The following NET1 variants were observed in gnomAD, a reference collection of about 807,000 sequenced individuals.
NET1 encodes the protein neuroepithelial cell-transforming gene 1 protein.
Under a neutral mutation model 61.1 loss-of-function variants are expected in NET1, and 42 were observed. The ratio of observed to expected loss-of-function variants is 0.69; its 90% CI spans 0.54 to 0.89. NET1 has a LOEUF of 0.89. Ranked by LOEUF, NET1 falls within the 40% of genes least tolerant of loss-of-function variation. NET1 has a pLI of 0.00. For synonymous variants in NET1, 254 were observed against 281.8 expected (o/e 0.90, Z 0.99); for missense variants, 654 against 747.3 (o/e 0.88, Z 1.46).
chr10:5,430,353 A>G (rs566103685), intron 3 of NET1, among the ~76,000 whole-genome samples: 5 of 151,676 alleles, frequency 3.3e-5, no homozygotes, highest in South Asian at 4.2e-4. Context: ...TCCATTTACT[A>G]TCTTTATTGT....
Position 5,452,675 on chromosome 10 carries a change from C to T in NET1, c.531+150C>T. 1.1e-6 allele frequency: 1 copy of T among 939,902 alleles called. No individual in the cohort carries two copies. Among genetic ancestry groups the T allele is most frequent in the Non-Finnish European group, 1.6e-6 (1 of 629,856 alleles). The allele number at this position is 939,902 out of a possible 1,614,324, so 58.2% of individuals were successfully genotyped here. Reference sequence around the variant, plus strand: ...TGGATGGTGGTCAAATTAAACAACTCTAATAGGGTAAACTTACCAAACATA... The same window carrying T: ...TGGATGGTGGTCAAATTAAACAACTTTAATAGGGTAAACTTACCAAACATA... On this transcript the variant is annotated intron_variant, in intron 5 of 11. Transcript: ENST00000355029. This position sits in a 1 kb window ranked among gnomAD's most constrained non-coding sequence, Gnocchi z 4.0.
rs1193657167 is a variant in NET1, at chr10:5,427,981, T to C, written c.196-1189T>C. Among the ~76,000 whole-genome samples the C allele has an allele frequency of 1.3e-5, 2 of 151,926 alleles. No individual in the cohort carries two copies. The highest frequency in any genetic ancestry group is 3.8e-4 in the East Asian group (2 of 5,198). The stretch of plus-strand genomic sequence containing the variant: ...CGTGTTGTTTTTTATGGTAGCTTGC[T>C]TTCTGAGACTGCCTGGCTCTGTTAC... On this transcript the variant is annotated intron_variant, in intron 2 of 11. Coordinates refer to ENST00000355029, the MANE Select transcript of NET1 (RefSeq NM_001047160.3). The surrounding 1 kb of genome is among the most constrained non-coding windows in gnomAD (Gnocchi z 4.1).
chr10:5,436,528 G>A lies in NET1; in HGVS notation c.255+7299G>A, dbSNP rs1297479426. Among the ~76,000 whole-genome samples, 4 of 151,344 alleles carry A rather than the reference G, an allele frequency of 2.6e-5. No homozygotes were observed. The East Asian group carries it at 5.8e-4, about 22-fold the overall frequency. On this transcript the variant is annotated intron_variant, in intron 3 of 11. Coordinates refer to ENST00000355029, the MANE Select transcript of NET1 (RefSeq NM_001047160.3). The stretch of plus-strand genomic sequence containing the variant: ...TGAGATAACAGGTGCGAGCCACTGC[G>A]CCCAGCCTGGGGGTTATATTTTGAG...
In NET1 at chr10:5,420,676, GC is replaced by G. The variant is rs1832158807; in HGVS notation, c.129-5977del. Among the ~76,000 whole-genome samples, 1 of 152,032 alleles carries G rather than the reference GC, an allele frequency of 6.6e-6. No homozygotes were observed. Among genetic ancestry groups the G allele is most frequent in the Admixed American group, 6.6e-5 (1 of 15,260 alleles). On this transcript the variant is annotated intron_variant, in intron 1 of 11. Coordinates refer to ENST00000355029, the MANE Select transcript of NET1 (RefSeq NM_001047160.3). The surrounding 1 kb of genome is among the most constrained non-coding windows in gnomAD (Gnocchi z 5.3). ...AGTGGCGCGATCTCGGCTCACTGTA[GC>G]CTCCGACTCCCTGGTTCAAGTGATC...
Position 5,441,138 on chromosome 10 carries a change from CCA to C in NET1, c.256-10689_256-10688del, listed in dbSNP as rs973939765. On this transcript the variant is annotated intron_variant, in intron 3 of 11. Coordinates refer to ENST00000355029, the MANE Select transcript of NET1 (RefSeq NM_001047160.3). This position sits in a 1 kb window ranked among gnomAD's most constrained non-coding sequence, Gnocchi z 4.6. ...CCTCTGAAGAGCTGTGTAAAACACA[CCA>C]CAGACTTCTCCTCTCAACGGACTGA... is the stretch of plus-strand genomic sequence containing the variant. Among the ~76,000 whole-genome samples the C allele has an allele frequency of 9.2e-5, 14 of 152,186 alleles. No homozygotes were observed. Among genetic ancestry groups the C allele is most frequent in the Non-Finnish European group, 2.1e-4 (14 of 68,028 alleles).
At position 5,427,035 on chromosome 10, in the gene NET1, A is replaced by G. The variant is rs1381882458; in HGVS notation, c.195+314A>G. On this transcript the variant is annotated intron_variant, in intron 2 of 11. Transcript: ENST00000355029. The surrounding 1 kb of genome is among the most constrained non-coding windows in gnomAD (Gnocchi z 4.1). ...TTATGAAACATGAAATTATTTTTAT[A>G]CATCCTCTACTGCCTTTTTTTCTTG... Among the ~76,000 whole-genome samples the G allele has an allele frequency of 6.6e-6, 1 of 152,122 alleles. No individual in the cohort carries two copies. Among genetic ancestry groups the G allele is most frequent in the East Asian group, 1.9e-4 (1 of 5,204 alleles).
chr10:5,456,232 T>A lies in NET1; in HGVS notation c.1343T>A (p.Met448Lys), dbSNP rs772735811. The A allele has an allele frequency of 2.5e-6, 4 of 1,613,606 alleles. No individual in the cohort carries two copies. The East Asian group carries it at 8.9e-5, about 36-fold the overall frequency. ...LEDLQDGDVRMGGSFRGAFSN... is the reference protein window; with the variant it reads ...LEDLQDGDVRKGGSFRGAFSN... ...GACCTGCAGGATGGAGATGTGAGAA[T>A]GGGAGGCTCCTTTCGAGGAGCTTTC... Residue 448 changes from methionine (M) to lysine (K), a missense_variant, in exon 11 of 12, where the codon ATG (methionine) becomes AAG (lysine). Coordinates refer to ENST00000355029, the MANE Select transcript of NET1 (RefSeq NM_001047160.3). This position sits in a 1 kb window ranked among gnomAD's most constrained non-coding sequence, Gnocchi z 7.0.
Position 5,456,506 on chromosome 10 carries a change from C to A in NET1, c.1385-82C>A, listed in dbSNP as rs1043561392. ...ATAAATTGCCATAAATTGACAGTCA[C>A]GTTAAGATTGTATGACCACTTTGTC... On this transcript the variant is annotated intron_variant, in intron 11 of 11. Coordinates refer to ENST00000355029, the MANE Select transcript of NET1 (RefSeq NM_001047160.3). This position sits in a 1 kb window ranked among gnomAD's most constrained non-coding sequence, Gnocchi z 7.0. 2 of 1,345,822 alleles carry A rather than the reference C, an allele frequency of 1.5e-6. No homozygotes were observed. The highest frequency in any genetic ancestry group is 2.9e-5 in the African/African-American group (2 of 67,992). The allele number at this position is 1,345,822 out of a possible 1,614,324, so 83.4% of individuals were successfully genotyped here. A position where few individuals can be genotyped will look rare whatever the true frequency, so the allele number is the denominator to read the frequency against.
In NET1 at chr10:5,452,789, T is replaced by C; in HGVS notation, c.532-69T>C. The C allele has an allele frequency of 3.0e-6, 4 of 1,313,928 alleles. No individual in the cohort carries two copies. The highest frequency in any genetic ancestry group is 4.3e-6 in the Non-Finnish European group (4 of 928,082). 81.4% of individuals were successfully genotyped at this position (1,313,928 alleles called of 1,614,324 possible). On this transcript the variant is annotated intron_variant, in intron 5 of 11. Transcript: ENST00000355029. This position sits in a 1 kb window ranked among gnomAD's most constrained non-coding sequence, Gnocchi z 4.0. Reference sequence around the variant, plus strand: ...ATGCCGTTCAAAACATCAAATAATGTAATTATCAGTTGTATATAATTTTCC... The same window carrying C: ...ATGCCGTTCAAAACATCAAATAATGCAATTATCAGTTGTATATAATTTTCC...
rs1262824954 is a variant in NET1, at chr10:5,441,517, G to C, written c.256-10313G>C. 1.3e-5 allele frequency among the ~76,000 whole-genome samples: 2 copies of C among 152,194 alleles called. No individual in the cohort carries two copies. Among genetic ancestry groups the C allele is most frequent in the Non-Finnish European group, 2.9e-5 (2 of 68,036 alleles). On this transcript the variant is annotated intron_variant, in intron 3 of 11. Coordinates refer to ENST00000355029, the MANE Select transcript of NET1 (RefSeq NM_001047160.3). This position sits in a 1 kb window ranked among gnomAD's most constrained non-coding sequence, Gnocchi z 4.6. ...GTTACAGAAGACTAAGTGGTCTTAC[G>C]TTATACTGGAAGTTATTCGTTACCT...
chr10:5,452,348 CTTTTT>C lies in NET1; in HGVS notation c.364-8_364-4del. ...TTATTTTCTCTTTTGTTCACCTTTT[CTTTTT>C]TAAGTCATTTACCCTTCGTGGTGAC... On this transcript the variant is annotated splice_region_variant and splice_polypyrimidine_tract_variant and intron_variant, in intron 4 of 11. Transcript: ENST00000355029. The surrounding 1 kb of genome is among the most constrained non-coding windows in gnomAD (Gnocchi z 4.0). The C allele has an allele frequency of 1.3e-6, 2 of 1,547,130 alleles. No homozygotes were observed. Among genetic ancestry groups the C allele is most frequent in the Non-Finnish European group, 1.7e-6 (2 of 1,143,190 alleles).
intron 3 of NET1, among the ~76,000 whole-genome samples, chr10:5,450,612 T>C (rs1247697733): frequency 6.6e-6 from 1 of 152,134 alleles, no homozygotes; most frequent in Non-Finnish European, 1.5e-5. Flanking sequence ...TTTTCAGTGA[T>C]AATTTTAATA....
In NET1 at chr10:5,446,321, C is replaced by T. The variant is rs1318671930; in HGVS notation, c.256-5509C>T. Among the ~76,000 whole-genome samples the T allele has an allele frequency of 6.6e-6, 1 of 152,148 alleles. No individual in the cohort carries two copies. The highest frequency in any genetic ancestry group is 1.5e-5 in the Non-Finnish European group (1 of 68,022). On this transcript the variant is annotated intron_variant, in intron 3 of 11. Transcript: ENST00000355029. This position sits in a 1 kb window ranked among gnomAD's most constrained non-coding sequence, Gnocchi z 5.0. ...CAAGTTGTCCATACTGAACTTATTC[C>T]CATGCAATAGGGTTTTATGGGAAAA...
intron 1 of NET1, among the ~76,000 whole-genome samples, chr10:5,419,706 TTTGTTGTTGTTG>T (rs71388430): frequency 4.6e-5 from 7 of 150,908 alleles, no homozygotes; most frequent in African/African-American, 1.7e-4. Context: ...TTTTCTTTGT[TTTGTTGTTGTTG>T]TTGTTGTTGT....
intron 3 of NET1, among the ~76,000 whole-genome samples, chr10:5,434,924 A>G (rs1832404721): frequency 6.6e-6 from 1 of 152,020 alleles, no homozygotes; most frequent in Non-Finnish European, 1.5e-5. Flanking sequence ...TACCTACAAA[A>G]TTTATTTGCA....
rs1192717724 is a variant in NET1 at position 5,441,992 on chromosome 10, C to T, written c.256-9838C>T. Among the ~76,000 whole-genome samples the T allele has an allele frequency of 6.6e-6, 1 of 151,990 alleles. No homozygotes were observed. Among genetic ancestry groups the T allele is most frequent in the East Asian group, 1.9e-4 (1 of 5,188 alleles). On this transcript the variant is annotated intron_variant, in intron 3 of 11. Transcript: ENST00000355029. This position sits in a 1 kb window ranked among gnomAD's most constrained non-coding sequence, Gnocchi z 4.6. Reference sequence around the variant, plus strand: ...GAGTTTTAAAATGGAATGTAGTTTTCTTATATTTAGAAAAAGTTCTTAAAA... The same window carrying T: ...GAGTTTTAAAATGGAATGTAGTTTTTTTATATTTAGAAAAAGTTCTTAAAA...
intron 3 of NET1, among the ~76,000 whole-genome samples, chr10:5,442,734 A>G (rs1178010691): frequency 6.6e-6 from 1 of 152,116 alleles, no homozygotes; most frequent in Non-Finnish European, 1.5e-5. Flanking sequence ...ATCTCTACTA[A>G]CATTACAAAA....
chr10:5,415,260 A>G lies in NET1; in HGVS notation c.128+2440A>G, dbSNP rs746086226. 3.3e-5 allele frequency among the ~76,000 whole-genome samples: 5 copies of G among 152,222 alleles called. No homozygotes were observed. The highest frequency in any genetic ancestry group is 7.3e-5 in the Non-Finnish European group (5 of 68,040). ...ACAATTTACCCACTTAAATTGTACT[A>G]CTTAGAACATTTTCATCACCTCAAA... On this transcript the variant is annotated intron_variant, in intron 1 of 11. Coordinates refer to ENST00000355029, the MANE Select transcript of NET1 (RefSeq NM_001047160.3). The surrounding 1 kb of genome is among the most constrained non-coding windows in gnomAD (Gnocchi z 4.7).
In NET1 at chr10:5,457,712, ATGTGTGTG is replaced by A. The variant is rs144365462; in HGVS notation, c.*728_*735del. On this transcript the variant is annotated 3_prime_UTR_variant, in exon 12 of 12. Coordinates refer to ENST00000355029, the MANE Select transcript of NET1 (RefSeq NM_001047160.3). The surrounding 1 kb of genome is among the most constrained non-coding windows in gnomAD (Gnocchi z 5.4). ...TCTTCCTGATTAAAAATGTGTGTGT[ATGTGTGTG>A]TGTGTGTGTATATATATATATATTT... 2 of 150,816 alleles carry A rather than the reference ATGTGTGTG, an allele frequency of 1.3e-5. No individual in the cohort carries two copies. The highest frequency in any genetic ancestry group is 1.3e-4 in the Admixed American group (2 of 15,096). The allele number at this position is 150,816 out of a possible 1,614,324, so 9.3% of individuals were successfully genotyped here.
Sources: gnomAD v4.1 joint callset for allele counts (sites outside exome capture counted in the v4.1 genomes callset) on GRCh38, gnomAD v4.1.1 for gene constraint, Gnocchi (gnomAD v3.1) non-coding constraint, MANE v1.5 for transcripts, NCBI Gene and HGNC (gene_info 2026-07-23, HGNC 2026-07-21) for gene names.